Variants in ADGRD1 observed in about 807,000 individuals in gnomAD.
The protein encoded by ADGRD1 is G-protein coupled receptor 133.
In ADGRD1, 77 loss-of-function variants were observed where a neutral mutation model predicts 113.4. That is an observed-to-expected ratio of 0.68 (90% confidence interval 0.57 to 0.82). The LOEUF (loss-of-function observed/expected upper bound fraction) is 0.82. Ranked by LOEUF, ADGRD1 falls within the 40% of genes least tolerant of loss-of-function variation. ADGRD1 has a pLI of 0.00. For synonymous variants in ADGRD1, 474 were observed against 475.0 expected (o/e 1.00, Z 0.03); for missense variants, 1,036 against 1,139.1 (o/e 0.91, Z 1.30).
intron 13 of ADGRD1, among the ~76,000 whole-genome samples, chr12:131,017,633 C>T (rs1334203738): frequency 1.3e-5 from 2 of 151,312 alleles, no homozygotes; most frequent in Non-Finnish European, 3.0e-5. Flanking sequence ...ACCTAGTGCA[C>T]ACACACCCAG....
chr12:131,086,085 T>C (rs1886444556), intron 15 of ADGRD1, among the ~76,000 whole-genome samples: 1 of 152,184 alleles, frequency 6.6e-6, no homozygotes. Context: ...CACCCGTCCC[T>C]GCCTGGGTCA....
chr12:131,058,018 G>A (rs998815078), intron 13 of ADGRD1, among the ~76,000 whole-genome samples: 1 of 152,076 alleles, frequency 6.6e-6, no homozygotes, highest in Non-Finnish European at 1.5e-5. Flanking sequence ...TGGGAAATAA[G>A]TATTAAGAGA....
chr12:131,097,447 A>T (rs928700716), intron 15 of ADGRD1, among the ~76,000 whole-genome samples: 1 of 152,062 alleles, frequency 6.6e-6, no homozygotes, highest in South Asian at 2.1e-4. Flanking sequence ...GCTCATTTCT[A>T]CCTGTCCCCG....
intron 10 of ADGRD1, 31 bp from the exon 11 acceptor site, chr12:131,004,155 G>GACTTC: frequency 7.2e-7 from 1 of 1,397,558 alleles, no homozygotes; most frequent in Non-Finnish European, 1.0e-6. Flanking sequence ...GCTCTGACGG[G>GACTTC]ACTTCCGCTC....
chr12:131,103,873 G>A (rs1287873854), intron 15 of ADGRD1, among the ~76,000 whole-genome samples: 2 of 152,188 alleles, frequency 1.3e-5, no homozygotes, highest in African/African-American at 2.4e-5. Flanking sequence ...GAGGAAGCAC[G>A]TGGCGCCCTC....
At chr12:130,986,989 G>A in intron 5 of ADGRD1, 106 bp from the exon 6 acceptor site, 3 of 941,554 alleles carry the variant, frequency 3.2e-6, no homozygotes, top group Non-Finnish European at 1.6e-6. Flanking sequence ...AGTTAACAGT[G>A]ATTGATCACC....
intron 20 of ADGRD1, among the ~76,000 whole-genome samples, chr12:131,130,383 C>G (rs1950883024): frequency 6.6e-6 from 1 of 152,216 alleles, no homozygotes; most frequent in Admixed American, 6.5e-5. Flanking sequence ...GGGGTGCTCA[C>G]TGCCACAATA....
At chr12:131,015,510 A>C (rs1288938467) in intron 13 of ADGRD1, among the ~76,000 whole-genome samples, 3 of 147,226 alleles carry the variant, frequency 2.0e-5, no homozygotes, top group African/African-American at 7.6e-5. Context: ...ACTGGAGATG[A>C]TGGAGATAGA....
chr12:131,110,760 A>G (rs1950329782), intron 18 of ADGRD1, among the ~76,000 whole-genome samples: 1 of 152,136 alleles, frequency 6.6e-6, no homozygotes, highest in Admixed American at 6.5e-5. Context: ...TTTTGGGGTC[A>G]TTTGCTTTCA....
Position 130,954,643 on chromosome 12 carries a change from G to C in ADGRD1, c.86G>C (p.Arg29Thr). The C allele has an allele frequency of 6.2e-7, 1 of 1,613,542 alleles. No individual in the cohort carries two copies. The highest frequency in any genetic ancestry group is 1.8e-4 in the Middle Eastern group (1 of 5,512). ...GCGCAGGTGCGTGGCGTCTACTCCA[G>C]ATCGCAGGACCATCCAGGTAAGAGT... ...YNFQVRGVYS[R>T]SQDHPGFQVL... is the part of the protein sequence containing the mutation. The change falls in exon 2 of 25, where the codon AGA (arginine) becomes ACA (threonine). Residue 29 changes from arginine (R) to threonine (T), a missense_variant. By Grantham distance (71) the Arg-to-Thr change is moderately conservative (BLOSUM62 -1). Coordinates refer to ENST00000261654, the MANE Select transcript of ADGRD1 (RefSeq NM_198827.5). The surrounding 1 kb of genome is among the most constrained non-coding windows in gnomAD (Gnocchi z 4.7).
chr12:131,119,278 C>T (rs2137406797), intron 19 of ADGRD1, among the ~76,000 whole-genome samples: 1 of 152,334 alleles, frequency 6.6e-6, no homozygotes, highest in South Asian at 2.1e-4. Flanking sequence ...GAAATCCAGC[C>T]TTTTCCACGT....
chr12:131,088,265 G>T (rs542609803), intron 15 of ADGRD1, among the ~76,000 whole-genome samples: 1 of 152,190 alleles, frequency 6.6e-6, no homozygotes, highest in African/African-American at 2.4e-5. Flanking sequence ...TTGAATTACC[G>T]GTAGAGCCTG....
At chr12:130,973,913 T>A (rs956928946) in intron 4 of ADGRD1, among the ~76,000 whole-genome samples, 1 of 152,086 alleles carries the variant, frequency 6.6e-6, no homozygotes, top group Non-Finnish European at 1.5e-5. Flanking sequence ...CACAGTGAGA[T>A]CTTGTCTCTA....
chr12:131,046,182 GC>G (rs1188902912), intron 13 of ADGRD1, among the ~76,000 whole-genome samples: 1 of 143,666 alleles, frequency 7.0e-6, no homozygotes. Context: ...CCTGGTCAAT[GC>G]TCCCTCCCTG....
At chr12:130,995,367 A>G (rs1875107286) in intron 8 of ADGRD1, among the ~76,000 whole-genome samples, 1 of 152,008 alleles carries the variant, frequency 6.6e-6, no homozygotes, top group Non-Finnish European at 1.5e-5. Context: ...CTGGTTTGCA[A>G]CACAAGGCAA....
At chr12:130,955,915 A>G (rs1305411566) in intron 2 of ADGRD1, among the ~76,000 whole-genome samples, 1 of 152,078 alleles carries the variant, frequency 6.6e-6, no homozygotes, top group Non-Finnish European at 1.5e-5. Flanking sequence ...CAGCCTTCCA[A>G]GCAGCTGGGA....
intron 13 of ADGRD1, among the ~76,000 whole-genome samples, chr12:131,029,966 C>G (rs1880477826): frequency 6.7e-6 from 1 of 149,372 alleles, no homozygotes; most frequent in Non-Finnish European, 1.5e-5. Flanking sequence ...TTCCCAGGCT[C>G]TGGGGTTAGG....
intron 12 of ADGRD1, among the ~76,000 whole-genome samples, chr12:131,008,603 AC>A (rs1566024535): frequency 1.3e-5 from 2 of 152,196 alleles, no homozygotes. Flanking sequence ...CTGACCACCC[AC>A]GGCCCGGTGG....
At chr12:130,973,919 C>A (rs1418118214) in intron 4 of ADGRD1, among the ~76,000 whole-genome samples, 3 of 152,108 alleles carry the variant, frequency 2.0e-5, no homozygotes, top group African/African-American at 7.2e-5. Context: ...GAGATCTTGT[C>A]TCTAACTTAA....
Sources: gnomAD v4.1 joint callset for allele counts (sites outside exome capture counted in the v4.1 genomes callset) on GRCh38, gnomAD v4.1.1 for gene constraint, Gnocchi (gnomAD v3.1) non-coding constraint, MANE v1.5 for transcripts, NCBI Gene and HGNC (gene_info 2026-07-23, HGNC 2026-07-21) for gene names.